The following CNTNAP5 variants were observed in gnomAD, a reference collection of about 807,000 sequenced individuals.
The protein encoded by CNTNAP5 is contactin-associated protein-like 5.
Under a neutral mutation model 150.2 loss-of-function variants are expected in CNTNAP5, and 72 were observed. The ratio of observed to expected loss-of-function variants is 0.48; its 90% CI spans 0.40 to 0.58. CNTNAP5 has a LOEUF of 0.58. Ranked by LOEUF, CNTNAP5 falls within the 20% of genes least tolerant of loss-of-function variation. CNTNAP5 has a pLI of 0.00. For synonymous variants in CNTNAP5, 672 were observed against 619.8 expected (o/e 1.08, Z -1.25); for missense variants, 1,636 against 1,626.2 (o/e 1.01, Z -0.10).
At chr2:124,549,654 C>G (rs923655850) in intron 10 of CNTNAP5, among the ~76,000 whole-genome samples, 7 of 151,996 alleles carry the variant, frequency 4.6e-5, no homozygotes, top group African/African-American at 9.7e-5. Flanking sequence ...TTCTAGATAC[C>G]CTGTTTTGCA....
intron 1 of CNTNAP5, among the ~76,000 whole-genome samples, chr2:124,078,451 T>A (rs574180121): frequency 1.3e-5 from 2 of 152,344 alleles, no homozygotes; most frequent in African/African-American, 4.8e-5. Flanking sequence ...CTGGTACCTA[T>A]GGACTGACCT....
At chr2:124,716,348 A>G (rs986843191) in intron 13 of CNTNAP5, among the ~76,000 whole-genome samples, 3 of 152,140 alleles carry the variant, frequency 2.0e-5, no homozygotes, top group Non-Finnish European at 2.9e-5. Flanking sequence ...ATATATCGTT[A>G]TCCTTATTTT....
At chr2:124,277,876 A>G (rs1687921298) in intron 3 of CNTNAP5, among the ~76,000 whole-genome samples, 1 of 152,160 alleles carries the variant, frequency 6.6e-6, no homozygotes, top group Non-Finnish European at 1.5e-5. Flanking sequence ...AATCACCACC[A>G]TGCGGATATG....
chr2:124,720,592 G>A (rs546965770), intron 13 of CNTNAP5, among the ~76,000 whole-genome samples: 6 of 152,076 alleles, frequency 3.9e-5, no homozygotes, highest in African/African-American at 9.7e-5. Flanking sequence ...ACTCTACTGC[G>A]TTAAAAGCTA....
intron 3 of CNTNAP5, among the ~76,000 whole-genome samples, chr2:124,377,672 T>A (rs1237436967): frequency 7.3e-6 from 1 of 136,358 alleles, no homozygotes; most frequent in African/African-American, 2.8e-5. Flanking sequence ...CAAAACTCCA[T>A]CTCAAAAAGG....
chr2:124,581,770 T>C (rs1696418811), intron 11 of CNTNAP5, among the ~76,000 whole-genome samples: 1 of 152,174 alleles, frequency 6.6e-6, no homozygotes, highest in African/African-American at 2.4e-5. Context: ...GTGAAGCCCG[T>C]TGAGATCCCA....
intron 10 of CNTNAP5, among the ~76,000 whole-genome samples, chr2:124,555,009 A>AT (rs1246571788): frequency 6.6e-6 from 1 of 152,224 alleles, no homozygotes; most frequent in Non-Finnish European, 1.5e-5. Flanking sequence ...GATGTAAGAC[A>AT]TTAAGATTCT....
At chr2:124,486,104 A>G (rs1300192414) in intron 7 of CNTNAP5, among the ~76,000 whole-genome samples, 1 of 152,218 alleles carries the variant, frequency 6.6e-6, no homozygotes, top group Non-Finnish European at 1.5e-5. Context: ...TATATGAACC[A>G]TGGAATACTA....
intron 22 of CNTNAP5, among the ~76,000 whole-genome samples, chr2:124,905,330 T>C (rs991695798): frequency 1.3e-5 from 2 of 152,024 alleles, no homozygotes; most frequent in Admixed American, 1.3e-4. Flanking sequence ...TTTACACTCC[T>C]GGTGGGAATG....
chr2:124,104,928 A>G (rs987394617), intron 1 of CNTNAP5, among the ~76,000 whole-genome samples: 2 of 152,222 alleles, frequency 1.3e-5, no homozygotes, highest in African/African-American at 4.8e-5. Flanking sequence ...AGAAATGTGC[A>G]TAATCATATA....
At chr2:124,841,849 C>CTA (rs1273178315) in intron 19 of CNTNAP5, among the ~76,000 whole-genome samples, 1 of 152,064 alleles carries the variant, frequency 6.6e-6, no homozygotes. Flanking sequence ...ACAGAAGTGT[C>CTA]ACTGTCAGTG....
intron 1 of CNTNAP5, among the ~76,000 whole-genome samples, chr2:124,200,330 C>T (rs556328393): frequency 1.3e-5 from 2 of 152,220 alleles, no homozygotes; most frequent in East Asian, 3.9e-4. Flanking sequence ...CTCTAAATTA[C>T]TGAGGTCTCT....
At chr2:124,148,923 T>C (rs889120533) in intron 1 of CNTNAP5, among the ~76,000 whole-genome samples, 2 of 152,032 alleles carry the variant, frequency 1.3e-5, no homozygotes, top group Non-Finnish European at 2.9e-5. Context: ...TACACACATA[T>C]ATGTATGTAT....
At chr2:124,667,625 A>G (rs1678727911) in intron 13 of CNTNAP5, among the ~76,000 whole-genome samples, 1 of 152,116 alleles carries the variant, frequency 6.6e-6, no homozygotes, top group African/African-American at 2.4e-5. Context: ...AAAGGTTAAG[A>G]ATTGAGTCCA....
intron 3 of CNTNAP5, among the ~76,000 whole-genome samples, chr2:124,250,468 G>C (rs938558542): frequency 2.0e-5 from 3 of 152,010 alleles, no homozygotes; most frequent in African/African-American, 2.4e-5. Context: ...TGGCTCTCAG[G>C]GTCTGCTTTC....
At chr2:124,878,555 C>A (rs1677904914) in intron 21 of CNTNAP5, among the ~76,000 whole-genome samples, 1 of 152,010 alleles carries the variant, frequency 6.6e-6, no homozygotes, top group Non-Finnish European at 1.5e-5. Flanking sequence ...CTTTATGTAA[C>A]AAAGCTTAAA....
chr2:124,533,987 T>C (rs944964459), intron 10 of CNTNAP5, among the ~76,000 whole-genome samples: 2 of 152,076 alleles, frequency 1.3e-5, no homozygotes, highest in African/African-American at 4.8e-5. Flanking sequence ...CTCCCCAGTA[T>C]TGCTTAAAAA....
intron 17 of CNTNAP5, among the ~76,000 whole-genome samples, chr2:124,774,105 G>A (rs1179644367): frequency 6.6e-6 from 1 of 152,046 alleles, no homozygotes; most frequent in Admixed American, 6.6e-5. Flanking sequence ...AACAAAGAGT[G>A]TGCTTTTATA....
intron 3 of CNTNAP5, among the ~76,000 whole-genome samples, chr2:124,396,464 A>AG (rs1448795208): frequency 5.3e-5 from 8 of 152,174 alleles, no homozygotes; most frequent in Non-Finnish European, 1.0e-4. Context: ...TCACAGTTCT[A>AG]GGGGGTCCCT....
Sources: gnomAD v4.1 joint callset for allele counts (sites outside exome capture counted in the v4.1 genomes callset) on GRCh38, gnomAD v4.1.1 for gene constraint, MANE v1.5 for transcripts, NCBI Gene and HGNC (gene_info 2026-07-23, HGNC 2026-07-21) for gene names.